NOL4L: variants seen among roughly 807,000 people sequenced by gnomAD.
The protein encoded by NOL4L is nucleolar protein 4 like, also known as nucleolar protein 4-like.
NOL4L carries 7 observed loss-of-function variants against 64.5 expected under a neutral mutation model. The observed-to-expected ratio is 0.11, with a 90% CI of 0.06 to 0.20. The LOEUF (loss-of-function observed/expected upper bound fraction) is 0.20. Ranked by LOEUF, NOL4L falls within the 10% of genes least tolerant of loss-of-function variation. The pLI, the probability that NOL4L is intolerant of heterozygous loss-of-function variation, is 1.00. For synonymous variants in NOL4L, 413 were observed against 401.0 expected (o/e 1.03, Z -0.36); for missense variants, 680 against 967.1 (o/e 0.70, Z 3.94).
At chr20:32,568,468 C>G (rs1487363772) in intron 1 of NOL4L, among the ~76,000 whole-genome samples, 5 of 152,030 alleles carry the variant, frequency 3.3e-5, no homozygotes, top group African/African-American at 1.2e-4. Flanking sequence ...CTACAGCCTC[C>G]CTGGACCTCA....
At chr20:32,480,592 C>G (rs143917137) in intron 4 of NOL4L, among the ~76,000 whole-genome samples, 3 of 152,158 alleles carry the variant, frequency 2.0e-5, no homozygotes, top group Non-Finnish European at 2.9e-5. Flanking sequence ...TTCTTCCACA[C>G]GAGGCGACTC....
intron 5 of NOL4L, among the ~76,000 whole-genome samples, chr20:32,473,659 C>G (rs1207187575): frequency 6.6e-6 from 1 of 152,202 alleles, no homozygotes. Flanking sequence ...CAGCAAGGCT[C>G]CTACCCCTTA....
At position 32,443,712 on chromosome 20, in the gene NOL4L, A is replaced by T. The variant is rs1007228965; in HGVS notation, c.*3884T>A. 3.9e-5 allele frequency: 6 copies of T among 152,226 alleles called. No homozygotes were observed. Among genetic ancestry groups the T allele is most frequent in the African/African-American group, 9.6e-5 (4 of 41,460 alleles). 9.4% of individuals were successfully genotyped at this position (152,226 alleles called of 1,614,324 possible). ...TAAAGACCTCTTGGGTTGTCCCTAA[A>T]TCCTGGATGGCTTGATCCTGAAGGC... On this transcript the variant is annotated 3_prime_UTR_variant, in exon 11 of 11. Coordinates refer to ENST00000621426, the MANE Select transcript of NOL4L (RefSeq NM_001256798.2).
chr20:32,554,888 T>A (rs1385258605), intron 1 of NOL4L, among the ~76,000 whole-genome samples: 2 of 152,190 alleles, frequency 1.3e-5, no homozygotes, highest in East Asian at 3.9e-4. Context: ...TTTAGAAGTA[T>A]GTGACCACAT....
chr20:32,472,332 G>C (rs566574119), intron 5 of NOL4L, among the ~76,000 whole-genome samples: 70 of 152,360 alleles, frequency 4.6e-4, no homozygotes, highest in African/African-American at 1.6e-3. Flanking sequence ...CTTCCACGAA[G>C]GACGGAAGGC....
chr20:32,530,267 C>T (rs1015257621), intron 1 of NOL4L, among the ~76,000 whole-genome samples: 2 of 152,208 alleles, frequency 1.3e-5, no homozygotes, highest in African/African-American at 2.4e-5. Flanking sequence ...TTTGGCTGGG[C>T]GCGGTGGCTC....
chr20:32,451,967 T>A (rs1438741810), intron 10 of NOL4L, among the ~76,000 whole-genome samples: 2 of 152,290 alleles, frequency 1.3e-5, no homozygotes, highest in East Asian at 3.9e-4. Context: ...AGGTGGGAAG[T>A]GTTGGAGCAA....
chr20:32,518,645 T>G (rs2017783239), intron 3 of NOL4L, among the ~76,000 whole-genome samples: 1 of 152,182 alleles, frequency 6.6e-6, no homozygotes, highest in Admixed American at 6.5e-5. Flanking sequence ...AGGCAAGCAA[T>G]TCTGTGTCTG....
rs374568578 is a variant in NOL4L at position 32,501,077 on chromosome 20, G to A, written c.699+10270C>T. 1.2e-4 allele frequency among the ~76,000 whole-genome samples: 18 copies of A among 152,324 alleles called. No homozygotes were observed. The East Asian group carries it at 3.5e-3, about 29-fold the overall frequency. Reference sequence around the variant, plus strand: ...CGGTGCCTTCCTTCCCAAGTGCACAGTGTGGAAAGAGGGAAAAGTCACTTG... The same window carrying A: ...CGGTGCCTTCCTTCCCAAGTGCACAATGTGGAAAGAGGGAAAAGTCACTTG... On this transcript the variant is annotated intron_variant, in intron 4 of 10. Coordinates refer to ENST00000621426, the MANE Select transcript of NOL4L (RefSeq NM_001256798.2).
chr20:32,456,481 CTCA>C (rs2013542619), intron 5 of NOL4L, 86 bp from the exon 6 acceptor site: 1 of 1,290,874 alleles, frequency 7.7e-7, no homozygotes, highest in Non-Finnish European at 1.0e-6. Context: ...CTGTGTCCTC[CTCA>C]TGAGTGTCCC....
chr20:32,547,396 T>C (rs2018747075), intron 1 of NOL4L, among the ~76,000 whole-genome samples: 1 of 152,080 alleles, frequency 6.6e-6, no homozygotes, highest in Non-Finnish European at 1.5e-5. Flanking sequence ...GCTCAAGGGA[T>C]CCTCCCACCT....
intron 4 of NOL4L, chr20:32,483,473 T>A: frequency 2.0e-6 from 2 of 989,294 alleles, no homozygotes; most frequent in Non-Finnish European, 2.4e-6. Context: ...CCGCCGCGGC[T>A]GCCCGGGGAG....
chr20:32,475,154 C>T lies in NOL4L; in HGVS notation c.700-412G>A, dbSNP rs6057586. On this transcript the variant is annotated intron_variant, in intron 4 of 10. Transcript: ENST00000621426. Reference sequence around the variant, plus strand: ...GGCAAGAAGCGGGCAGCAGCACATGCCCGCCACCAGGCACTGAGGCTGAGC... The same window carrying T: ...GGCAAGAAGCGGGCAGCAGCACATGTCCGCCACCAGGCACTGAGGCTGAGC... 14,483 of 985,438 alleles carry T rather than the reference C, an allele frequency of 0.015. 740 individuals are homozygous for T. In the African/African-American group the frequency reaches 0.16, roughly 11 times the overall value. The allele number at this position is 985,438 out of a possible 1,614,324, so 61.0% of individuals were successfully genotyped here. A position where few individuals can be genotyped will look rare whatever the true frequency, so the allele number is the denominator to read the frequency against.
chr20:32,548,651 A>G, intron 1 of NOL4L: 1 of 292,128 alleles, frequency 3.4e-6, no homozygotes, highest in Non-Finnish European at 6.9e-6. Flanking sequence ...GCCGGGAGTG[A>G]AAATTGGTTC....
chr20:32,537,656 CTTCCT>C (rs1299228234), intron 1 of NOL4L, among the ~76,000 whole-genome samples: 1 of 152,172 alleles, frequency 6.6e-6, no homozygotes, highest in Non-Finnish European at 1.5e-5. Context: ...CACACCTCTT[CTTCCT>C]TTCCTCAGTT....
chr20:32,479,007 C>G (rs2145490975), intron 4 of NOL4L, among the ~76,000 whole-genome samples: 1 of 152,348 alleles, frequency 6.6e-6, no homozygotes, highest in Admixed American at 6.5e-5. Flanking sequence ...CTTTCAAGGG[C>G]TGAGGTAGAG....
Position 32,449,338 on chromosome 20 carries a change from G to A in NOL4L, c.1823-1522C>T, listed in dbSNP as rs1037854201. ...ATTCTCTCATGATTGCATCTCCATGGCAGTTTTTATGCTGCTATGAAGAGA... is the reference window on the plus strand; with the variant it reads ...ATTCTCTCATGATTGCATCTCCATGACAGTTTTTATGCTGCTATGAAGAGA... On this transcript the variant is annotated intron_variant, in intron 10 of 10. Transcript: ENST00000621426. 7.2e-5 allele frequency among the ~76,000 whole-genome samples: 11 copies of A among 152,314 alleles called. No homozygotes were observed. In the South Asian group the frequency reaches 2.1e-3, roughly 29 times the overall value.
chr20:32,481,593 C>A (rs1386452981), intron 4 of NOL4L, among the ~76,000 whole-genome samples: 1 of 152,114 alleles, frequency 6.6e-6, no homozygotes, highest in Non-Finnish European at 1.5e-5. Context: ...TCCCACTGTG[C>A]GGCAGGAAGG....
At chr20:32,536,087 G>C in intron 1 of NOL4L, 1 of 985,626 alleles carries the variant, frequency 1.0e-6, no homozygotes, top group Non-Finnish European at 1.2e-6. Flanking sequence ...AGGCATAATG[G>C]CTTTCGCCAC....
Sources: gnomAD v4.1 joint callset for allele counts (sites outside exome capture counted in the v4.1 genomes callset) on GRCh38, gnomAD v4.1.1 for gene constraint, MANE v1.5 for transcripts, NCBI Gene and HGNC (gene_info 2026-07-23, HGNC 2026-07-21) for gene names.